The following PXT1 variants were observed in gnomAD, a reference collection of about 807,000 sequenced individuals.
The protein encoded by PXT1 is peroxisomal testis enriched protein 1.
In PXT1, 11 loss-of-function variants were observed where a neutral mutation model predicts 11.0. The ratio of observed to expected loss-of-function variants is 1.00; its 90% CI spans 0.63 to 1.66. PXT1 has a LOEUF of 1.66. Ranked by LOEUF, PXT1 falls within the 40% of genes most tolerant of loss-of-function variation. The pLI, the probability that PXT1 is intolerant of heterozygous loss-of-function variation, is 0.00. For synonymous variants in PXT1, 43 were observed against 51.4 expected (o/e 0.84, Z 0.70); for missense variants, 141 against 155.5 (o/e 0.91, Z 0.49).
intron 2 of PXT1, among the ~76,000 whole-genome samples, chr6:36,434,850 T>TA (rs1365439785): frequency 2.0e-5 from 3 of 152,254 alleles, no homozygotes; most frequent in Admixed American, 2.0e-4. Flanking sequence ...AATTGATTGC[T>TA]AAAATTTGCT....
intron 2 of PXT1, among the ~76,000 whole-genome samples, chr6:36,432,554 A>G (rs1278009825): frequency 2.0e-5 from 3 of 152,206 alleles, no homozygotes; most frequent in Non-Finnish European, 4.4e-5. Flanking sequence ...AACAAGGAGA[A>G]GCAAGGCACG....
In PXT1 at chr6:36,439,743, A is replaced by G. The variant is rs536384670; in HGVS notation, c.-129-857T>C. Among the ~76,000 whole-genome samples the G allele has an allele frequency of 2.0e-5, 3 of 152,198 alleles. 1 individual carries two copies. The highest frequency in any genetic ancestry group is 7.2e-5 in the African/African-American group (3 of 41,540). On this transcript the variant is annotated intron_variant, in intron 1 of 4. Transcript: ENST00000454782. ...AGAGGTCATGTGAGCTGCCAGAGCCAGTACATGGGATACGAAGGCCAGAGC... is the reference window on the plus strand; with the variant it reads ...AGAGGTCATGTGAGCTGCCAGAGCCGGTACATGGGATACGAAGGCCAGAGC...
At chr6:36,436,426 T>C (rs1165935076) in intron 2 of PXT1, among the ~76,000 whole-genome samples, 1 of 152,166 alleles carries the variant, frequency 6.6e-6, no homozygotes, top group African/African-American at 2.4e-5. Context: ...GAACTAGAAT[T>C]GATTGATTAG....
At chr6:36,435,974 A>T (rs1284541594) in intron 2 of PXT1, among the ~76,000 whole-genome samples, 1 of 152,206 alleles carries the variant, frequency 6.6e-6, no homozygotes, top group Non-Finnish European at 1.5e-5. Flanking sequence ...GAGTAAGTCA[A>T]CAGAGATGAA....
In PXT1 at chr6:36,391,583, G is replaced by T; in HGVS notation, c.*187C>A. On this transcript the variant is annotated 3_prime_UTR_variant, in exon 5 of 5. Transcript: ENST00000454782. ...TGTGATCGCAGACATCTCATAGCTAGCTCCTCCGAAGAGACAAATGGCTCG... is the reference window on the plus strand; with the variant it reads ...TGTGATCGCAGACATCTCATAGCTATCTCCTCCGAAGAGACAAATGGCTCG... 1.6e-6 allele frequency: 1 copy of T among 609,838 alleles called. No homozygotes were observed. 37.8% of individuals were successfully genotyped at this position (609,838 alleles called of 1,614,324 possible). A position where few individuals can be genotyped will look rare whatever the true frequency, so the allele number is the denominator to read the frequency against.
Position 36,426,090 on chromosome 6 carries a change from C to T in PXT1, c.-8G>A. 6.7e-7 allele frequency: 1 copy of T among 1,496,272 alleles called. No homozygotes were observed. The highest frequency in any genetic ancestry group is 1.7e-4 in the Middle Eastern group (1 of 5,898). 92.7% of individuals were successfully genotyped at this position (1,496,272 alleles called of 1,614,324 possible). A position where few individuals can be genotyped will look rare whatever the true frequency, so the allele number is the denominator to read the frequency against. ...ATCATGTTTTTTCTTCATGTTTTTT[C>T]CCTGTTGAAAAACATATTTTCAGAG... On this transcript the variant is annotated splice_region_variant and 5_prime_UTR_variant, in exon 3 of 5. Coordinates refer to ENST00000454782, the MANE Select transcript of PXT1 (RefSeq NM_152990.4).
rs1774072944 is a variant in PXT1, at chr6:36,391,877, A to G, written c.301-3T>C. The G allele has an allele frequency of 6.3e-7, 1 of 1,577,296 alleles. No homozygotes were observed. The highest frequency in any genetic ancestry group is 1.4e-5 in the African/African-American group (1 of 72,300). ...TCTCTGCCATCCTGTTGAAGATCCT[A>G]TTTGAAAAAAGGGAGACACAGAGAA... On this transcript the variant is annotated splice_polypyrimidine_tract_variant and splice_region_variant and intron_variant, in intron 4 of 4. Coordinates refer to ENST00000454782, the MANE Select transcript of PXT1 (RefSeq NM_152990.4).
chr6:36,410,199 C>T (rs1774351300), intron 3 of PXT1, among the ~76,000 whole-genome samples: 1 of 150,956 alleles, frequency 6.6e-6, no homozygotes, highest in Non-Finnish European at 1.5e-5. Flanking sequence ...GCCTGTAATC[C>T]CAGCACTTTG....
In PXT1 at chr6:36,400,602, A is replaced by G. The variant is rs762256911; in HGVS notation, c.170-18T>C. On this transcript the variant is annotated intron_variant, in intron 3 of 4. Coordinates refer to ENST00000454782, the MANE Select transcript of PXT1 (RefSeq NM_152990.4). ...ATTATGATCTGCATTGAGAAAAAAG[A>G]GTTCAAAAGAGATAATCCCACTTAA... 3 of 1,606,124 alleles carry G rather than the reference A, an allele frequency of 1.9e-6. No individual in the cohort carries two copies.
rs1774069838 is a variant in PXT1 at position 36,391,772 on chromosome 6, A to C, written c.403T>G (p.Ter135GluextTer17). Residue 135 changes from the stop codon to glutamate, a stop_lost, in exon 5 of 5, where the codon TAA becomes GAA. Transcript: ENST00000454782. ...ACCACTTGACCTTTACTTTCCTTTT[A>C]CAGCAAATGGTTGTTCCAGAAAAAA... ...LHFFWNNHLL[*>E] 3.1e-6 allele frequency: 5 copies of C among 1,606,588 alleles called. No homozygotes were observed. The South Asian group carries it at 5.5e-5, about 18-fold the overall frequency.
intron 3 of PXT1, among the ~76,000 whole-genome samples, chr6:36,410,193 G>A (rs1299212059): frequency 6.6e-6 from 1 of 151,720 alleles, no homozygotes; most frequent in Non-Finnish European, 1.5e-5. Flanking sequence ...GCTCATGCCT[G>A]TAATCCCAGC....
chr6:36,397,075 GC>G (rs1774154843), intron 4 of PXT1, among the ~76,000 whole-genome samples: 1 of 152,198 alleles, frequency 6.6e-6, no homozygotes, highest in Admixed American at 6.5e-5. Context: ...TCTCCTCTGA[GC>G]TGTTGTAACA....
intron 3 of PXT1, among the ~76,000 whole-genome samples, chr6:36,405,247 A>T (rs1228691350): frequency 1.3e-5 from 2 of 152,252 alleles, no homozygotes; most frequent in African/African-American, 4.8e-5. Flanking sequence ...AGATATAAAG[A>T]AAATAATTTT....
chr6:36,396,594 C>A (rs1332449476), intron 4 of PXT1, among the ~76,000 whole-genome samples: 1 of 152,212 alleles, frequency 6.6e-6, no homozygotes, highest in African/African-American at 2.4e-5. Context: ...CAGGGAAGGC[C>A]TAAAGGCTGG....
chr6:36,399,875 C>T (rs1774190521), intron 4 of PXT1, among the ~76,000 whole-genome samples: 1 of 152,192 alleles, frequency 6.6e-6, no homozygotes, highest in African/African-American at 2.4e-5. Context: ...GGGCCTGCAT[C>T]CTACCCTTCG....
At chr6:36,436,027 A>G (rs1357694458) in intron 2 of PXT1, among the ~76,000 whole-genome samples, 3 of 151,988 alleles carry the variant, frequency 2.0e-5, no homozygotes, top group Admixed American at 6.6e-5. Flanking sequence ...AAACTTTTTC[A>G]AAAAATAAAC....
rs1582241142 is a variant in PXT1, at chr6:36,391,643, C to A, written c.*127G>T. On this transcript the variant is annotated 3_prime_UTR_variant, in exon 5 of 5. Coordinates refer to ENST00000454782, the MANE Select transcript of PXT1 (RefSeq NM_152990.4). Reference sequence around the variant, plus strand: ...AGTTCTTCAACAAACTGGGTGTAGACCAACAGTGATGGGTACAAAAAGAGG... The same window carrying A: ...AGTTCTTCAACAAACTGGGTGTAGAACAACAGTGATGGGTACAAAAAGAGG... 1 of 733,824 alleles carries A rather than the reference C, an allele frequency of 1.4e-6. No individual in the cohort carries two copies. The highest frequency in any genetic ancestry group is 2.4e-6 in the Non-Finnish European group (1 of 413,854). The allele number at this position is 733,824 out of a possible 1,614,324, so 45.5% of individuals were successfully genotyped here. A position where few individuals can be genotyped will look rare whatever the true frequency, so the allele number is the denominator to read the frequency against.
chr6:36,395,434 G>A (rs1028711977), intron 4 of PXT1, among the ~76,000 whole-genome samples: 3 of 149,120 alleles, frequency 2.0e-5, no homozygotes, highest in South Asian at 2.1e-4. Context: ...TTCTGTTAAA[G>A]TTCCTTGATT....
chr6:36,430,344 C>T (rs1408932953), intron 2 of PXT1, among the ~76,000 whole-genome samples: 1 of 152,148 alleles, frequency 6.6e-6, no homozygotes, highest in Non-Finnish European at 1.5e-5. Flanking sequence ...ATTCCCAGAA[C>T]CTGTGAATAT....
Sources: gnomAD v4.1 joint callset for allele counts (sites outside exome capture counted in the v4.1 genomes callset) on GRCh38, gnomAD v4.1.1 for gene constraint, MANE v1.5 for transcripts, NCBI Gene and HGNC (gene_info 2026-07-23, HGNC 2026-07-21) for gene names.